PLD1: variants seen among roughly 807,000 people sequenced by gnomAD.
The protein encoded by PLD1 is phospholipase D1, also known as choline phosphatase 1.
A neutral mutation model predicts 137.1 loss-of-function variants in PLD1; 112 were observed. The ratio of observed to expected loss-of-function variants is 0.82; its 90% CI spans 0.70 to 0.96. The LOEUF is 0.96. Ranked by LOEUF, PLD1 falls within the 40% of genes least tolerant of loss-of-function variation. PLD1 has a pLI of 0.00. For missense variants in PLD1, 1,321 were observed against 1,342.0 expected (o/e 0.98, Z 0.24); for synonymous variants, 431 against 454.7 (o/e 0.95, Z 0.66).
At chr3:171,650,654 C>T (rs1446972730) in intron 21 of PLD1, among the ~76,000 whole-genome samples, 1 of 152,186 alleles carries the variant, frequency 6.6e-6, no homozygotes, top group East Asian at 1.9e-4. Flanking sequence ...AAAACCCCTC[C>T]TATTGTGTGG....
intron 3 of PLD1, 57 bp from the exon 4 acceptor site, chr3:171,735,694 CT>C: frequency 2.0e-6 from 2 of 995,416 alleles, no homozygotes; most frequent in Non-Finnish European, 3.1e-6. Flanking sequence ...ATTCCAAAAG[CT>C]TTCAGTGAAC....
rs757632543 is a variant in PLD1, at chr3:171,692,409, T to C, written c.1261A>G (p.Lys421Glu). 2 of 1,601,412 alleles carry C rather than the reference T, an allele frequency of 1.2e-6. No homozygotes were observed. The highest frequency in any genetic ancestry group is 1.7e-6 in the Non-Finnish European group (2 of 1,168,342). Residue 421 changes from lysine (K) to glutamate (E), a missense_variant, in exon 13 of 27, where the codon AAA becomes GAA. Coordinates refer to ENST00000351298, the MANE Select transcript of PLD1 (RefSeq NM_002662.5). ...QGVRIFIMLY[K>E]EVELALGINS... is the part of the protein sequence containing the mutation. ...ATGCCAAGAGCGAGTTCCACCTCTT[T>C]GTAGAGCATTATGAAGATCCTCACT...
chr3:171,623,744 A>G (rs1176991339), intron 23 of PLD1, among the ~76,000 whole-genome samples: 3 of 152,198 alleles, frequency 2.0e-5, no homozygotes, highest in Non-Finnish European at 2.9e-5. Context: ...ATGCAAATAC[A>G]TAAGGAAAAT....
chr3:171,647,461 T>A (rs953504054), intron 21 of PLD1, among the ~76,000 whole-genome samples: 2 of 152,038 alleles, frequency 1.3e-5, no homozygotes, highest in Admixed American at 6.6e-5. Flanking sequence ...CTTTTTTTTT[T>A]ATTTTGAGAT....
chr3:171,740,053 T>A (rs1254433116), intron 1 of PLD1, among the ~76,000 whole-genome samples: 1 of 152,200 alleles, frequency 6.6e-6, no homozygotes, highest in Non-Finnish European at 1.5e-5. Context: ...GTTTCCTCTC[T>A]ATAAATTGAG....
chr3:171,611,472 G>A (rs1048743266), intron 25 of PLD1: 2 of 413,030 alleles, frequency 4.8e-6, no homozygotes, highest in East Asian at 6.4e-5. Flanking sequence ...GCCCTTGAAA[G>A]TTCTAAATAA....
intron 19 of PLD1, among the ~76,000 whole-genome samples, chr3:171,666,520 G>A (rs1712168334): frequency 6.6e-6 from 1 of 152,232 alleles, no homozygotes; most frequent in Non-Finnish European, 1.5e-5. Flanking sequence ...TGGAAACACA[G>A]AGCCAAACCA....
In PLD1 at chr3:171,676,840, G is replaced by C; in HGVS notation, c.1997-7C>G. ...GAGTACCTGTCAATGAAATCTGCCC[G>C]GGTGCACCAGGCAAGGATCAGTCAT... On this transcript the variant is annotated splice_region_variant and splice_polypyrimidine_tract_variant and intron_variant, in intron 17 of 26. Coordinates refer to ENST00000351298, the MANE Select transcript of PLD1 (RefSeq NM_002662.5). 1 of 1,587,844 alleles carries C rather than the reference G, an allele frequency of 6.3e-7. No individual in the cohort carries two copies. Among genetic ancestry groups the C allele is most frequent in the Non-Finnish European group, 8.6e-7 (1 of 1,156,382 alleles).
At chr3:171,718,234 C>G (rs561427644) in intron 8 of PLD1, among the ~76,000 whole-genome samples, 51 of 152,110 alleles carry the variant, frequency 3.4e-4, no homozygotes, top group African/African-American at 1.2e-3. Flanking sequence ...CACATACATC[C>G]CCCTCAAGAC....
At chr3:171,659,432 G>A in intron 20 of PLD1, 131 bp from the exon 21 acceptor site, 1 of 596,144 alleles carries the variant, frequency 1.7e-6, no homozygotes, top group Non-Finnish European at 2.9e-6. Flanking sequence ...ATCACATCAA[G>A]AAAGTCAACG....
intron 1 of PLD1, among the ~76,000 whole-genome samples, chr3:171,778,849 A>C (rs149822128): frequency 1.4e-3 from 213 of 152,346 alleles, no homozygotes; most frequent in African/African-American, 4.8e-3. Flanking sequence ...TTAATCAAGA[A>C]AGTGAAACAC....
chr3:171,656,587 G>A (rs145858824), intron 21 of PLD1, among the ~76,000 whole-genome samples: 9 of 152,340 alleles, frequency 5.9e-5, no homozygotes, highest in East Asian at 3.9e-4. Flanking sequence ...ATAAAATACC[G>A]GGGCCAGGCC....
rs1325563013 is a variant in PLD1 at position 171,620,766 on chromosome 3, ATATT to A, written c.2594-250_2594-247del. On this transcript the variant is annotated intron_variant, in intron 23 of 26. Transcript: ENST00000351298. ...TCTATATATATATATATATATATAT[ATATT>A]ATATATATTTTTTTTTTAATTGAAG... is the stretch of plus-strand genomic sequence containing the variant. 3.1e-3 allele frequency among the ~76,000 whole-genome samples: 400 copies of A among 130,220 alleles called. 2 individuals carry two copies. Among genetic ancestry groups the A allele is most frequent in the African/African-American group, 0.012 (381 of 30,506 alleles). 85.4% of individuals were successfully genotyped at this position (130,220 alleles called of 152,430 possible). A position where few individuals can be genotyped will look rare whatever the true frequency, so the allele number is the denominator to read the frequency against.
At chr3:171,772,075 G>A (rs1211178204) in intron 1 of PLD1, among the ~76,000 whole-genome samples, 1 of 152,204 alleles carries the variant, frequency 6.6e-6, no homozygotes, top group Non-Finnish European at 1.5e-5. Flanking sequence ...CTAGAAAAAT[G>A]TAGTCAATCA....
At chr3:171,779,790 T>C (rs375849888) in intron 1 of PLD1, among the ~76,000 whole-genome samples, 13 of 151,656 alleles carry the variant, frequency 8.6e-5, no homozygotes, top group African/African-American at 3.2e-4. Flanking sequence ...GACTGGAATT[T>C]GTATACATAA....
chr3:171,676,963 T>C (rs934536286), intron 17 of PLD1, 130 bp from the exon 18 acceptor site: 123 of 610,378 alleles, frequency 2.0e-4, no homozygotes, highest in Non-Finnish European at 3.3e-4. Context: ...TTGGCTTGCA[T>C]AGAACAACAT....
At chr3:171,659,049 C>T (rs1349698393) in intron 21 of PLD1, among the ~76,000 whole-genome samples, 164 bp downstream of exon 21, 1 of 152,218 alleles carries the variant, frequency 6.6e-6, no homozygotes, top group Non-Finnish European at 1.5e-5. Context: ...AGTCAAAAAT[C>T]TTTAGCAACT....
intron 16 of PLD1, among the ~76,000 whole-genome samples, chr3:171,684,962 T>A (rs1373966009): frequency 1.3e-5 from 2 of 152,242 alleles, no homozygotes; most frequent in Non-Finnish European, 2.9e-5. Context: ...TACACTGAAG[T>A]TTTAGTTCAT....
At chr3:171,775,672 G>A (rs1312349821) in intron 1 of PLD1, among the ~76,000 whole-genome samples, 4 of 152,100 alleles carry the variant, frequency 2.6e-5, no homozygotes, top group South Asian at 4.2e-4. Context: ...GTGAAACCCC[G>A]TCTCTACTAA....
Sources: gnomAD v4.1 joint callset for allele counts (sites outside exome capture counted in the v4.1 genomes callset) on GRCh38, gnomAD v4.1.1 for gene constraint, MANE v1.5 for transcripts, NCBI Gene and HGNC (gene_info 2026-07-23, HGNC 2026-07-21) for gene names.